The following WDSUB1 variants were observed in gnomAD, a reference collection of about 807,000 sequenced individuals.
WDSUB1 encodes the protein WD repeat, sterile alpha motif and U-box domain containing 1.
Under a neutral mutation model 53.9 loss-of-function variants are expected in WDSUB1, and 49 were observed. The observed-to-expected ratio is 0.91, with a 90% CI of 0.72 to 1.15. The LOEUF is 1.15. Ranked by LOEUF, WDSUB1 falls within the 50% of genes most tolerant of loss-of-function variation. The probability of loss-of-function intolerance (pLI) is 0.00; values close to 1 mark genes in which losing one functional copy is unlikely to be tolerated. For synonymous variants in WDSUB1, 194 were observed against 200.6 expected (o/e 0.97, Z 0.28); for missense variants, 514 against 562.0 (o/e 0.91, Z 0.86).
At chr2:159,255,887 ACT>A (rs756675846) in intron 9 of WDSUB1, among the ~76,000 whole-genome samples, 21 of 152,308 alleles carry the variant, frequency 1.4e-4, no homozygotes, top group Admixed American at 2.6e-4. Flanking sequence ...TACATAAACA[ACT>A]CTTACAAAGT....
intron 10 of WDSUB1, among the ~76,000 whole-genome samples, chr2:159,239,506 T>TG (rs1426725666): frequency 7.7e-5 from 10 of 130,190 alleles, no homozygotes; most frequent in African/African-American, 3.0e-4. Context: ...TTTTTTTTGG[T>TG]GGGGGGGCAA....
At chr2:159,284,903 T>C (rs1022033467) in intron 1 of WDSUB1, among the ~76,000 whole-genome samples, 8 of 152,206 alleles carry the variant, frequency 5.3e-5, no homozygotes, top group African/African-American at 1.4e-4. Context: ...GCTGAAATGT[T>C]CTTGCCTCTG....
intron 4 of WDSUB1, 87 bp from the exon 5 acceptor site, chr2:159,271,882 A>G: frequency 9.0e-7 from 1 of 1,109,222 alleles, no homozygotes; most frequent in South Asian, 1.5e-5. Context: ...TATTTATTTA[A>G]CAAATAATCT....
chr2:159,275,818 A>T (rs1205174119), intron 3 of WDSUB1, among the ~76,000 whole-genome samples, 180 bp from the exon 4 acceptor site: 1 of 152,206 alleles, frequency 6.6e-6, no homozygotes, highest in Admixed American at 6.5e-5. Flanking sequence ...ACAAGGTACT[A>T]TGTGGGATTA....
At chr2:159,276,156 G>C (rs190949092) in intron 3 of WDSUB1, among the ~76,000 whole-genome samples, 1 of 152,016 alleles carries the variant, frequency 6.6e-6, no homozygotes, top group East Asian at 1.9e-4. Context: ...CCACCTCCCA[G>C]GTTCAAGCAA....
At chr2:159,253,653 T>A (rs1248867363) in intron 9 of WDSUB1, among the ~76,000 whole-genome samples, 2 of 152,244 alleles carry the variant, frequency 1.3e-5, no homozygotes, top group African/African-American at 2.4e-5. Flanking sequence ...GCAGCTGTTT[T>A]AAACAGTTAT....
chr2:159,274,842 T>A (rs2061507766), intron 4 of WDSUB1, among the ~76,000 whole-genome samples: 1 of 150,830 alleles, frequency 6.6e-6, no homozygotes, highest in Non-Finnish European at 1.5e-5. Flanking sequence ...AAGCAAAAAC[T>A]CCTAAATGAC....
Position 159,236,156 on chromosome 2 carries a change from A to G in WDSUB1, c.1308T>C (p.Asn436=). 1.2e-6 allele frequency: 2 copies of G among 1,612,046 alleles called. No homozygotes were observed. The change falls in exon 11 of 11, where the codon AAT becomes AAC. Residue 436 remains asparagine (N), a synonymous_variant. Transcript: ENST00000359774. ...TTGTACGTTTCTTTTTGCTGATCCA[A>G]TTTTCCATTGCTTCCTTTTCATATG... ...GYSYEKEAME[N]WISKKKRTSP... is the part of the protein sequence containing the mutation.
At chr2:159,244,635 G>A (rs554046922) in intron 10 of WDSUB1, among the ~76,000 whole-genome samples, 1 of 152,232 alleles carries the variant, frequency 6.6e-6, no homozygotes, top group South Asian at 2.1e-4. Context: ...ATAAAAATAT[G>A]AGCTACTGGC....
intron 5 of WDSUB1, among the ~76,000 whole-genome samples, chr2:159,265,856 G>C (rs966171460): frequency 6.6e-6 from 1 of 152,186 alleles, no homozygotes; most frequent in East Asian, 1.9e-4. Flanking sequence ...AGTGGAGAAA[G>C]ACCAAGGGAA....
At chr2:159,251,585 C>T (rs192063526) in intron 9 of WDSUB1, among the ~76,000 whole-genome samples, 83 of 152,226 alleles carry the variant, frequency 5.5e-4, no homozygotes, top group African/African-American at 1.9e-3. Flanking sequence ...AAGTCTTATA[C>T]ACTTAATTGC....
At chr2:159,265,740 G>A (rs537710218) in intron 5 of WDSUB1, among the ~76,000 whole-genome samples, 17 of 152,236 alleles carry the variant, frequency 1.1e-4, no homozygotes, top group South Asian at 1.0e-3. Flanking sequence ...TTTTAACAGC[G>A]GCTGATATAT....
rs1194044210 is a variant in WDSUB1 at position 159,262,235 on chromosome 2, T to C, written c.771-2392A>G. On this transcript the variant is annotated intron_variant, in intron 5 of 10. Coordinates refer to ENST00000359774, the MANE Select transcript of WDSUB1 (RefSeq NM_001128212.3). ...CCAACTCATCACTTAATAAGCAGGA[T>C]TATCCTTAGTGATCTCTATGAGCAT... 2.6e-5 allele frequency among the ~76,000 whole-genome samples: 4 copies of C among 151,902 alleles called. No homozygotes were observed. In the East Asian group the frequency reaches 7.7e-4, roughly 29 times the overall value.
chr2:159,236,284 TTTATTGTGAC>T (rs1358009056), intron 10 of WDSUB1, 94 bp from the exon 11 acceptor site: 1 of 1,237,968 alleles, frequency 8.1e-7, no homozygotes, highest in East Asian at 2.5e-5. Flanking sequence ...TGCAGAGGCC[TTTATTGTGAC>T]TTAAGGGTTA....
chr2:159,248,177 G>C (rs1227974576), intron 10 of WDSUB1, among the ~76,000 whole-genome samples, 195 bp downstream of exon 10: 3 of 151,642 alleles, frequency 2.0e-5, no homozygotes, highest in Non-Finnish European at 4.4e-5. Context: ...TAATCCTTTT[G>C]TGTCAACTCC....
chr2:159,247,922 T>TATAA (rs1553626882), intron 10 of WDSUB1, among the ~76,000 whole-genome samples: 9 of 75,004 alleles, frequency 1.2e-4, no homozygotes, highest in African/African-American at 6.5e-4. Context: ...TATATATATA[T>TATAA]ATATAAATAT....
At chr2:159,280,708 A>AAAAAAAAAAAAAAAAACAAAAAAAC (rs111752652) in intron 2 of WDSUB1, among the ~76,000 whole-genome samples, 1 of 134,322 alleles carries the variant, frequency 7.4e-6, no homozygotes, top group African/African-American at 3.4e-5. Flanking sequence ...AAAAAAAAAA[A>AAAAAAAAAAAAAAAAACAAAAAAAC]ATTACCCAGA....
intron 5 of WDSUB1, among the ~76,000 whole-genome samples, chr2:159,261,892 ATATATTTTTTTTTTTTTTT>A (rs1239169479): frequency 5.3e-4 from 7 of 13,226 alleles, no homozygotes; most frequent in South Asian, 5.0e-3. Context: ...ATATATATAT[ATATATTTTTTTTTTTTTTT>A]TTTTTTTTTT....
chr2:159,263,802 A>G (rs2151108034), intron 5 of WDSUB1, among the ~76,000 whole-genome samples: 1 of 152,348 alleles, frequency 6.6e-6, no homozygotes, highest in Admixed American at 6.5e-5. Context: ...AATACGTTAT[A>G]TAATTGGTGT....
Sources: gnomAD v4.1 joint callset for allele counts (sites outside exome capture counted in the v4.1 genomes callset) on GRCh38, gnomAD v4.1.1 for gene constraint, MANE v1.5 for transcripts, NCBI Gene and HGNC (gene_info 2026-07-23, HGNC 2026-07-21) for gene names.